The following SMC5 variants were observed in gnomAD, a reference collection of about 807,000 sequenced individuals.
The protein encoded by SMC5 is structural maintenance of chromosomes protein 5.
SMC5 carries 88 observed loss-of-function variants against 148.3 expected under a neutral mutation model. The observed-to-expected ratio is 0.59, with a 90% CI of 0.50 to 0.71. SMC5 has a LOEUF of 0.71. Ranked by LOEUF, SMC5 falls within the 30% of genes least tolerant of loss-of-function variation. The pLI, the probability that SMC5 is intolerant of heterozygous loss-of-function variation, is 0.00. For missense variants in SMC5, 1,142 were observed against 1,298.9 expected, an observed-to-expected ratio of 0.88 and a Z score of 1.86; for synonymous variants, 421 against 432.8, an observed-to-expected ratio of 0.97 and a Z score of 0.34.
chr9:70,296,066 A>G (rs2035193304), intron 8 of SMC5, among the ~76,000 whole-genome samples: 1 of 152,158 alleles, frequency 6.6e-6, no homozygotes, highest in African/African-American at 2.4e-5. Flanking sequence ...ATTTGGGGAT[A>G]TGTGCATTTT....
chr9:70,325,970 A>G (rs185880557), intron 17 of SMC5, among the ~76,000 whole-genome samples: 89 of 152,308 alleles, frequency 5.8e-4, no homozygotes, highest in African/African-American at 1.9e-3. Flanking sequence ...AGATACACAA[A>G]GACAAGAGAC....
In SMC5 at chr9:70,324,037, A is replaced by G. The variant is rs370470042; in HGVS notation, c.2291A>G (p.His764Arg). 3 of 1,576,702 alleles carry G rather than the reference A, an allele frequency of 1.9e-6. No homozygotes were observed. The highest frequency in any genetic ancestry group is 2.6e-6 in the Non-Finnish European group (3 of 1,168,198). The change falls in exon 17 of 25, where the codon CAT becomes CGT. Residue 764 changes from histidine (H) to arginine (R), a missense_variant. Around this residue, in one of 5 missense-constraint regions of SMC5, gnomAD observed 743 missense variants for 835.7 expected, o/e 0.89. Coordinates refer to ENST00000361138, the MANE Select transcript of SMC5 (RefSeq NM_015110.4). Reference protein sequence around the residue: ...TNLIKICTSLHIQKVDLILQN... With the variant: ...TNLIKICTSLRIQKVDLILQN... ...TGTTCCTAGATTTGTACTTCTTTGC[A>G]TATACAAAAAGTAGATTTAATTCTC...
At chr9:70,338,242 C>G (rs1397679124) in intron 17 of SMC5, among the ~76,000 whole-genome samples, 2 of 151,940 alleles carry the variant, frequency 1.3e-5, no homozygotes, top group South Asian at 2.1e-4. Context: ...AACTCCTAAC[C>G]TCAAGCAGTC....
At chr9:70,306,460 G>A (rs1228635687) in intron 11 of SMC5, among the ~76,000 whole-genome samples, 1 of 152,128 alleles carries the variant, frequency 6.6e-6, no homozygotes, top group Non-Finnish European at 1.5e-5. Flanking sequence ...ATTATACAAT[G>A]GACTCCAAAA....
intron 15 of SMC5, among the ~76,000 whole-genome samples, chr9:70,320,802 T>C (rs925504239): frequency 6.6e-6 from 1 of 152,206 alleles, no homozygotes; most frequent in African/African-American, 2.4e-5. Flanking sequence ...ATTTTACTGC[T>C]TCATCAAGGA....
chr9:70,352,306 G>A lies in SMC5; in HGVS notation c.3281G>A (p.Arg1094His), dbSNP rs367938382. Residue 1094 changes from arginine to histidine, a missense_variant, in exon 25 of 25, where the codon CGT becomes CAT. By Grantham distance (29) the Arg-to-His change is conservative (BLOSUM62 0). This residue lies in a region of SMC5 where 63 missense variants were observed against 65.7 expected (regional missense o/e 0.96). Coordinates refer to ENST00000361138, the MANE Select transcript of SMC5 (RefSeq NM_015110.4). ...AAGGCTTTCCAAAGGCGGCGGCGCC[G>A]TATTACATTCACTCAACCTTCTTAA... is the stretch of plus-strand genomic sequence containing the variant. Reference protein sequence around the residue: ...NLKAFQRRRRRITFTQPS With the variant: ...NLKAFQRRRRHITFTQPS The A allele has an allele frequency of 2.6e-5, 42 of 1,605,200 alleles. No individual in the cohort carries two copies. The highest frequency in any genetic ancestry group is 3.3e-5 in the Non-Finnish European group (39 of 1,176,856).
At chr9:70,291,485 C>G (rs1388910918) in intron 8 of SMC5, among the ~76,000 whole-genome samples, 1 of 152,156 alleles carries the variant, frequency 6.6e-6, no homozygotes, top group African/African-American at 2.4e-5. Context: ...GTACATAGCC[C>G]TGGGCATGCA....
intron 17 of SMC5, among the ~76,000 whole-genome samples, chr9:70,335,723 C>T (rs1035435356): frequency 1.3e-5 from 2 of 152,052 alleles, no homozygotes; most frequent in African/African-American, 4.8e-5. Flanking sequence ...ATGGTAATAG[C>T]TTTACAGGTG....
At chr9:70,262,032 G>T (rs1307457192) in intron 1 of SMC5, among the ~76,000 whole-genome samples, 1 of 152,174 alleles carries the variant, frequency 6.6e-6, no homozygotes, top group Non-Finnish European at 1.5e-5. Flanking sequence ...AGAGGTTGGT[G>T]AGATGCTGTT....
rs575079162 is a variant in SMC5, at chr9:70,295,192, G to A, written c.1054-2774G>A. On this transcript the variant is annotated intron_variant, in intron 8 of 24. Transcript: ENST00000361138. ...AGAAGAGGGAACATTCAGGCGGGGCGCGGTGGCTCACACCTGTAATCCCAG... is the reference window on the plus strand; with the variant it reads ...AGAAGAGGGAACATTCAGGCGGGGCACGGTGGCTCACACCTGTAATCCCAG... Among the ~76,000 whole-genome samples, 14 of 151,854 alleles carry A rather than the reference G, an allele frequency of 9.2e-5. No individual in the cohort carries two copies. The East Asian group carries it at 1.4e-3, about 15-fold the overall frequency.
chr9:70,329,567 C>T (rs1227596305), intron 17 of SMC5, among the ~76,000 whole-genome samples: 1 of 152,210 alleles, frequency 6.6e-6, no homozygotes, highest in Admixed American at 6.5e-5. Context: ...TTAATCTGGA[C>T]TTCACTGTCC....
intron 17 of SMC5, among the ~76,000 whole-genome samples, chr9:70,326,044 A>G (rs927609461): frequency 6.6e-6 from 1 of 152,152 alleles, no homozygotes; most frequent in Admixed American, 6.6e-5. Context: ...TAAGAGACAT[A>G]AAAACAAATA....
At chr9:70,295,089 G>T (rs575968327) in intron 8 of SMC5, among the ~76,000 whole-genome samples, 8 of 152,122 alleles carry the variant, frequency 5.3e-5, no homozygotes, top group Admixed American at 1.3e-4. Flanking sequence ...TGAAATAATG[G>T]CAGGAAAAGG....
intron 9 of SMC5, 125 bp downstream of exon 9, chr9:70,298,346 C>A: frequency 9.6e-7 from 1 of 1,038,092 alleles, no homozygotes; most frequent in Non-Finnish European, 1.4e-6. Flanking sequence ...GGAAGCTCAA[C>A]TCAGTTCTTC....
intron 15 of SMC5, among the ~76,000 whole-genome samples, chr9:70,322,286 T>A (rs983535536): frequency 7.2e-5 from 11 of 152,198 alleles, no homozygotes; most frequent in African/African-American, 2.4e-4. Flanking sequence ...ACGCTCAACC[T>A]TTATTGCGCA....
intron 8 of SMC5, among the ~76,000 whole-genome samples, chr9:70,293,767 T>C (rs1403846579): frequency 6.6e-6 from 1 of 152,236 alleles, no homozygotes; most frequent in African/African-American, 2.4e-5. Flanking sequence ...AGATCTGCCA[T>C]AGATATTCTT....
intron 17 of SMC5, among the ~76,000 whole-genome samples, chr9:70,329,041 C>T (rs547961739): frequency 3.6e-4 from 55 of 152,294 alleles, no homozygotes; most frequent in African/African-American, 1.3e-3. Flanking sequence ...GGCACCATGC[C>T]CTAAGGCTGC....
chr9:70,313,792 G>C (rs914339719), intron 11 of SMC5, among the ~76,000 whole-genome samples: 7 of 152,112 alleles, frequency 4.6e-5, no homozygotes, highest in Non-Finnish European at 8.8e-5. Flanking sequence ...AAGCCACAGT[G>C]CCCAGCCAGT....
chr9:70,288,002 T>C (rs2034956947), intron 8 of SMC5, among the ~76,000 whole-genome samples: 1 of 152,172 alleles, frequency 6.6e-6, no homozygotes, highest in South Asian at 2.1e-4. Context: ...CTCTTCCCTT[T>C]CTTTTGTCCT....
Sources: gnomAD v4.1 joint callset for allele counts (sites outside exome capture counted in the v4.1 genomes callset) on GRCh38, gnomAD v4.1.1 for gene constraint, gnomAD v4.1.1 regional missense constraint, MANE v1.5 for transcripts, NCBI Gene and HGNC (gene_info 2026-07-23, HGNC 2026-07-21) for gene names.